The following WDR41 variants were observed in gnomAD, a reference collection of about 807,000 sequenced individuals.
The protein encoded by WDR41 is WD repeat-containing protein 41.
A neutral mutation model predicts 69.3 loss-of-function variants in WDR41; 63 were observed. The ratio of observed to expected loss-of-function variants is 0.91; its 90% CI spans 0.74 to 1.12. The LOEUF (loss-of-function observed/expected upper bound fraction) is 1.12. WDR41 is among the 50% of genes most tolerant of loss of function. WDR41 has a pLI of 0.00. For synonymous variants in WDR41, 185 were observed against 192.1 expected (o/e 0.96, Z 0.31); for missense variants, 543 against 534.5 (o/e 1.02, Z -0.16).
chr5:77,591,248 G>A (rs1038420598), intron 1 of WDR41, among the ~76,000 whole-genome samples: 1 of 151,948 alleles, frequency 6.6e-6, no homozygotes, highest in Non-Finnish European at 1.5e-5. Context: ...CTATAGCAAT[G>A]TCTCATTTTG....
chr5:77,485,018 T>C (rs1443200157), intron 2 of WDR41, among the ~76,000 whole-genome samples: 14 of 152,220 alleles, frequency 9.2e-5, no homozygotes, highest in Non-Finnish European at 1.5e-5. Flanking sequence ...GTTATTTACA[T>C]CCAGTAGAGA....
intron 1 of WDR41, among the ~76,000 whole-genome samples, chr5:77,600,231 A>G (rs935049407): frequency 6.6e-6 from 1 of 152,222 alleles, no homozygotes; most frequent in Non-Finnish European, 1.5e-5. Flanking sequence ...CACACTAAAA[A>G]TAATAGCCTT....
Position 77,431,272 on chromosome 5 carries a change from C to G in WDR41, c.*1863G>C, listed in dbSNP as rs1171835233. On this transcript the variant is annotated 3_prime_UTR_variant, in exon 13 of 13. Transcript: ENST00000296679. ...AAGGAACTGCCACAGCCACCCCAAC[C>G]TTCAGTAACCACCTTAGTCAACAGC... is the stretch of plus-strand genomic sequence containing the variant. The G allele has an allele frequency of 6.6e-6, 1 of 152,524 alleles. No individual in the cohort carries two copies. The highest frequency in any genetic ancestry group is 1.5e-5 in the Non-Finnish European group (1 of 68,058). 9.4% of individuals were successfully genotyped at this position (152,524 alleles called of 1,614,324 possible).
At position 77,438,260 on chromosome 5, in the gene WDR41, G is replaced by A. The variant is rs775960564; in HGVS notation, c.984C>T (p.His328=). The change falls in exon 10 of 13, where the codon CAC becomes CAT. Residue 328 remains histidine (H), a synonymous_variant. Coordinates refer to ENST00000296679, the MANE Select transcript of WDR41 (RefSeq NM_018268.4). ...TGTACCTGTTTGGAAGTCTGGCAAC[G>A]TGCAGGACATTGGAGTCATGTGCAG... ...QKTAHDSNVL[H]VARLPNRQLI... 13 of 1,614,024 alleles carry A rather than the reference G, an allele frequency of 8.1e-6. No individual in the cohort carries two copies. The highest frequency in any genetic ancestry group is 6.7e-5 in the East Asian group (3 of 44,870).
rs191924740 is a variant in WDR41 at position 77,572,864 on chromosome 5, A to G, written c.42+47615T>C. Among the ~76,000 whole-genome samples, 23 of 152,244 alleles carry G rather than the reference A, an allele frequency of 1.5e-4. No individual in the cohort carries two copies. In the East Asian group the frequency reaches 4.3e-3, roughly 28 times the overall value. On this transcript the variant is annotated intron_variant, in intron 1 of 5. Transcript: ENST00000509971. ...TATTTCATTTTGTATCTTTCATTAG[A>G]TCAGTCTATCTTTCATTAGATCAAA... is the stretch of plus-strand genomic sequence containing the variant.
intron 8 of WDR41, among the ~76,000 whole-genome samples, chr5:77,445,232 A>T (rs552619795): frequency 9.2e-5 from 14 of 152,338 alleles, no homozygotes; most frequent in African/African-American, 3.1e-4. Flanking sequence ...AACCAGTAAG[A>T]AGTCGAATCC....
intron 1 of WDR41, among the ~76,000 whole-genome samples, chr5:77,619,188 C>A (rs923931576): frequency 1.3e-5 from 2 of 152,178 alleles, no homozygotes; most frequent in African/African-American, 2.4e-5. Flanking sequence ...CATGGAAAAT[C>A]ATTTGTTTCC....
intron 1 of WDR41, among the ~76,000 whole-genome samples, chr5:77,619,766 A>G (rs62362475): frequency 6.6e-6 from 1 of 152,110 alleles, no homozygotes; most frequent in African/African-American, 2.4e-5. Flanking sequence ...TTTTTTTAAC[A>G]AGGGTTAGAT....
At chr5:77,497,807 G>A (rs896081135) in intron 1 of WDR41, among the ~76,000 whole-genome samples, 2 of 152,136 alleles carry the variant, frequency 1.3e-5, no homozygotes, top group Admixed American at 1.3e-4. Flanking sequence ...GTTGACATCA[G>A]CACTATTCAC....
Position 77,526,912 on chromosome 5 carries a change from CT to C in WDR41, c.43-37341del, listed in dbSNP as rs35449305. 7.0e-3 allele frequency among the ~76,000 whole-genome samples: 1,073 copies of C among 152,200 alleles called. 5 individuals are homozygous for C. The highest frequency in any genetic ancestry group is 0.012 in the Non-Finnish European group (818 of 67,958). On this transcript the variant is annotated intron_variant, in intron 1 of 5. Transcript: ENST00000509971. ...GATATGGCTCCTTTCTTAGCCAGTG[CT>C]TCCAATAGCTATCCCATATGGAATC...
intron 1 of WDR41, among the ~76,000 whole-genome samples, chr5:77,571,787 G>T (rs893165145): frequency 6.6e-6 from 1 of 152,058 alleles, no homozygotes; most frequent in African/African-American, 2.4e-5. Context: ...TCACTCTCTC[G>T]TCCAGGAGCA....
intron 5 of WDR41, among the ~76,000 whole-genome samples, chr5:77,455,528 C>A (rs1799793411): frequency 1.3e-5 from 2 of 152,064 alleles, no homozygotes; most frequent in Admixed American, 1.3e-4. Context: ...GACACCTAGC[C>A]CAAGGTCACA....
intron 8 of WDR41, among the ~76,000 whole-genome samples, chr5:77,445,986 C>T (rs1162851324): frequency 2.0e-5 from 3 of 152,134 alleles, no homozygotes; most frequent in Non-Finnish European, 4.4e-5. Context: ...GTCAAATTGT[C>T]TCTGTTTGCA....
chr5:77,568,164 G>A (rs950468884), intron 1 of WDR41, among the ~76,000 whole-genome samples: 6 of 152,060 alleles, frequency 3.9e-5, no homozygotes, highest in South Asian at 2.1e-4. Flanking sequence ...GCTGTTTAAG[G>A]GCAGTATCAG....
intron 1 of WDR41, among the ~76,000 whole-genome samples, chr5:77,514,134 G>A (rs1459464535): frequency 6.6e-6 from 1 of 152,036 alleles, no homozygotes; most frequent in African/African-American, 2.4e-5. Flanking sequence ...AAATATATGG[G>A]GGGGAATCAC....
At chr5:77,546,914 A>C (rs1743210113) in intron 1 of WDR41, among the ~76,000 whole-genome samples, 1 of 152,150 alleles carries the variant, frequency 6.6e-6, no homozygotes, top group African/African-American at 2.4e-5. Flanking sequence ...TATCAAAAAG[A>C]TAATCCACCA....
chr5:77,464,864 AAG>A, intron 2 of WDR41, 55 bp from the exon 3 acceptor site: 1 of 1,556,218 alleles, frequency 6.4e-7, no homozygotes, highest in Non-Finnish European at 8.9e-7. Context: ...TTTAATTACT[AAG>A]ATTAAGAACT....
intron 12 of WDR41, among the ~76,000 whole-genome samples, chr5:77,434,791 G>A (rs188654183): frequency 1.8e-4 from 27 of 152,212 alleles, no homozygotes; most frequent in Admixed American, 9.2e-4. Context: ...AAAGTGTTCA[G>A]GTCTCAACAC....
chr5:77,442,912 A>AAAAAAAAAAAAG (rs1799230068), intron 8 of WDR41, among the ~76,000 whole-genome samples: 2 of 148,296 alleles, frequency 1.3e-5, no homozygotes, highest in Non-Finnish European at 3.0e-5. Flanking sequence ...AAAAAAAAAA[A>AAAAAAAAAAAAG]AGGATTTTTT....
Sources: allele counts gnomAD v4.1 joint callset (sites outside exome capture counted in the v4.1 genomes callset), GRCh38; gene constraint gnomAD v4.1.1; transcripts MANE v1.5; gene names NCBI Gene and HGNC (gene_info 2026-07-23, HGNC 2026-07-21).